BCAM: variants seen among roughly 807,000 people sequenced by gnomAD.
BCAM encodes basal cell adhesion molecule (Lutheran blood group).
A neutral mutation model predicts 72.4 loss-of-function variants in BCAM; 61 were observed. The ratio of observed to expected loss-of-function variants is 0.84; its 90% CI spans 0.69 to 1.04. The LOEUF is 1.04. Among genes scored for constraint, BCAM ranks in the 50% least tolerant of loss-of-function variants. The probability of loss-of-function intolerance (pLI) is 0.00; values close to 1 mark genes in which losing one functional copy is unlikely to be tolerated. For missense variants in BCAM, 909 were observed against 895.0 expected (o/e 1.02, Z -0.20); for synonymous variants, 408 against 384.2 (o/e 1.06, Z -0.73).
rs28399659 is a variant in BCAM at position 44,819,705 on chromosome 19, A to T, written c.1742A>T (p.Gln581Leu). The change falls in exon 13 of 15, where the codon CAG becomes CTG. Residue 581 changes from glutamine to leucine, a missense_variant. By Grantham distance (113) the Gln-to-Leu change is moderately radical. Coordinates refer to ENST00000270233, the MANE Select transcript of BCAM (RefSeq NM_005581.5). ...VRRKGGPCCR[Q>L]RREKGAPPPG... ...CGCAAAGGGGGCCCCTGCTGCCGCC[A>T]GCGGCGGGAGAAGGGGGCTCCGTGA... is the stretch of plus-strand genomic sequence containing the variant. 0.034 allele frequency: 54,656 copies of T among 1,608,098 alleles called. 1,078 individuals carry two copies. The highest frequency in any genetic ancestry group is 0.05 in the Middle Eastern group (301 of 6,014).
At chr19:44,809,880 T>A (rs945936298) in intron 1 of BCAM, among the ~76,000 whole-genome samples, 1 of 7,592 alleles carries the variant, frequency 1.3e-4, no homozygotes, top group African/African-American at 4.8e-4. Flanking sequence ...GGGGTGGGGG[T>A]GGGGGTGCTG....
chr19:44,820,640 C>G, intron 13 of BCAM, 65 bp from the exon 14 acceptor site: 1 of 1,355,460 alleles, frequency 7.4e-7, no homozygotes, highest in East Asian at 2.9e-5. Context: ...CCCCCATCCT[C>G]AGTTCCTCCC....
At position 44,818,898 on chromosome 19, in the gene BCAM, AG is replaced by A. The variant is rs1968539327; in HGVS notation, c.1336+21del. On this transcript the variant is annotated intron_variant, in intron 10 of 14. Transcript: ENST00000270233. This position sits in a 1 kb window ranked among gnomAD's most constrained non-coding sequence, Gnocchi z 4.6. ...CTGGTCCAAGGTTCAGGGGGCAGGG[AG>A]GGGGTGGGCTTGGATGGGGACAGTG... 1.2e-6 allele frequency: 2 copies of A among 1,611,458 alleles called. No homozygotes were observed. The highest frequency in any genetic ancestry group is 1.3e-5 in the African/African-American group (1 of 74,850).
intron 8 of BCAM, among the ~76,000 whole-genome samples, chr19:44,815,306 G>A (rs975005721): frequency 2.0e-5 from 3 of 152,126 alleles, no homozygotes; most frequent in Non-Finnish European, 4.4e-5. Context: ...TTCTAAGAAT[G>A]ATTTTCAGTT....
Position 44,812,545 on chromosome 19 carries a change from G to A in BCAM, c.501G>A (p.Gln167=), listed in dbSNP as rs202033919. The change falls in exon 4 of 15, where the codon CAG becomes CAA. Residue 167 remains glutamine (Q), a synonymous_variant. Coordinates refer to ENST00000270233, the MANE Select transcript of BCAM (RefSeq NM_005581.5). The surrounding 1 kb of genome is among the most constrained non-coding windows in gnomAD (Gnocchi z 5.3). ...GTLSVMEDSA[Q]EIATCNSRNG... ...TGTCTGTGATGGAGGACTCTGCCCA[G>A]GAGGTACCTCTCGGGTGGACCTTGG... 6.2e-7 allele frequency: 1 copy of A among 1,614,196 alleles called. No homozygotes were observed.
chr19:44,816,704 C>T (rs894047644), intron 8 of BCAM, among the ~76,000 whole-genome samples: 9 of 151,250 alleles, frequency 6.0e-5, no homozygotes, highest in African/African-American at 1.9e-4. Context: ...TTTGGGAGGC[C>T]GAGGCAGGTG....
Position 44,814,808 on chromosome 19 carries a change from T to G in BCAM, c.1078+48T>G. The G allele has an allele frequency of 6.4e-7, 1 of 1,566,006 alleles. No homozygotes were observed. Among genetic ancestry groups the G allele is most frequent in the Non-Finnish European group, 8.6e-7 (1 of 1,156,854 alleles). On this transcript the variant is annotated intron_variant, in intron 8 of 14. Coordinates refer to ENST00000270233, the MANE Select transcript of BCAM (RefSeq NM_005581.5). This position sits in a 1 kb window ranked among gnomAD's most constrained non-coding sequence, Gnocchi z 4.6. ...CGGGCAGGAGGGGCCCTGGCATCAGTGCCTCTGCGCCCTCCTCCCTACAGC... is the reference window on the plus strand; with the variant it reads ...CGGGCAGGAGGGGCCCTGGCATCAGGGCCTCTGCGCCCTCCTCCCTACAGC...
chr19:44,815,843 C>T (rs1320665748), intron 8 of BCAM, among the ~76,000 whole-genome samples: 2 of 150,612 alleles, frequency 1.3e-5, no homozygotes, highest in Admixed American at 1.3e-4. Context: ...CATTTGCACA[C>T]ACACACACAC....
At chr19:44,809,351 C>G in intron 1 of BCAM, 145 bp downstream of exon 1, 1 of 615,650 alleles carries the variant, frequency 1.6e-6, no homozygotes, top group Non-Finnish European at 2.4e-6. Context: ...TTGGAAGGTA[C>G]GCCTTCCAGT....
chr19:44,811,421 T>G (rs2122548375), intron 2 of BCAM, 75 bp downstream of exon 2: 1 of 1,596,280 alleles, frequency 6.3e-7, no homozygotes, highest in Non-Finnish European at 8.5e-7. Flanking sequence ...CATCAGTGCC[T>G]AAGGCCTGTA....
chr19:44,820,589 CATCCT>C, intron 13 of BCAM, 111 bp from the exon 14 acceptor site: 4 of 1,311,012 alleles, frequency 3.1e-6, no homozygotes, highest in Non-Finnish European at 2.9e-6. Flanking sequence ...AGCACACCCC[CATCCT>C]CACCTCCATC....
rs1013945834 is a variant in BCAM at position 44,814,067 on chromosome 19, T to A, written c.785-85T>A. On this transcript the variant is annotated intron_variant, in intron 6 of 14. Transcript: ENST00000270233. This position sits in a 1 kb window ranked among gnomAD's most constrained non-coding sequence, Gnocchi z 4.6. Reference sequence around the variant, plus strand: ...CCTTTGACCCGCCATAGCCCTCACCTGGGATGCAGGGCTGACCTCTCGCCT... The same window carrying A: ...CCTTTGACCCGCCATAGCCCTCACCAGGGATGCAGGGCTGACCTCTCGCCT... 6.4e-5 allele frequency: 94 copies of A among 1,459,108 alleles called. No individual in the cohort carries two copies. Among genetic ancestry groups the A allele is most frequent in the Non-Finnish European group, 8.4e-5 (92 of 1,100,996 alleles). The allele number at this position is 1,459,108 out of a possible 1,614,324, so 90.4% of individuals were successfully genotyped here.
Position 44,812,468 on chromosome 19 carries a change from T to G in BCAM, c.434-10T>G. ...GGCAGGGGCTCCTGACGTGAACGTC[T>G]TTTTCACAGCAAAGCCAGAGGCCAC... On this transcript the variant is annotated splice_polypyrimidine_tract_variant and intron_variant, in intron 3 of 14. Transcript: ENST00000270233. The surrounding 1 kb of genome is among the most constrained non-coding windows in gnomAD (Gnocchi z 5.3). 3.1e-6 allele frequency: 5 copies of G among 1,614,168 alleles called. No individual in the cohort carries two copies. The highest frequency in any genetic ancestry group is 4.2e-6 in the Non-Finnish European group (5 of 1,180,004).
Position 44,814,012 on chromosome 19 carries a change from A to T in BCAM, c.785-140A>T. On this transcript the variant is annotated intron_variant, in intron 6 of 14. Transcript: ENST00000270233. This position sits in a 1 kb window ranked among gnomAD's most constrained non-coding sequence, Gnocchi z 4.6. ...AACTCTGGCACTCAGAATAATTGTG[A>T]ACCTGAGGCTTGAAACCTATGACCC... The T allele has an allele frequency of 8.9e-7, 1 of 1,122,740 alleles. No homozygotes were observed. Among genetic ancestry groups the T allele is most frequent in the South Asian group, 1.7e-5 (1 of 60,554 alleles). 69.5% of individuals were successfully genotyped at this position (1,122,740 alleles called of 1,614,324 possible).
chr19:44,816,547 GTGGAATAAGTCCTTCCGTGC>G (rs1428470094), intron 8 of BCAM, among the ~76,000 whole-genome samples: 30 of 152,208 alleles, frequency 2.0e-4, no homozygotes, highest in African/African-American at 6.8e-4. Context: ...TTAGCAGCTG[GTGGAATAAGTCCTTCCGTGC>G]TGTAGGAAAG....
In BCAM at chr19:44,812,210, G is replaced by T; in HGVS notation, c.252G>T (p.Gln84His). The change falls in exon 3 of 15, where the codon CAG becomes CAT. Residue 84 changes from glutamine to histidine, a missense_variant. By Grantham distance (24) the Gln-to-His change is conservative. Transcript: ENST00000270233. The surrounding 1 kb of genome is among the most constrained non-coding windows in gnomAD (Gnocchi z 5.3). ...ARPRLASAEM[Q>H]GSELQVTMHD... is the part of the protein sequence containing the mutation. ...CCCGCCTAGCCTCGGCTGAGATGCA[G>T]GGCTCTGAGCTCCAGGTCACAATGC... 6.2e-7 allele frequency: 1 copy of T among 1,606,374 alleles called. No homozygotes were observed. Among genetic ancestry groups the T allele is most frequent in the Non-Finnish European group, 8.5e-7 (1 of 1,178,134 alleles).
chr19:44,811,157 G>A, intron 1 of BCAM, 68 bp from the exon 2 acceptor site: 4 of 1,606,466 alleles, frequency 2.5e-6, no homozygotes, highest in Non-Finnish European at 2.5e-6. Flanking sequence ...TCCTGGGGGA[G>A]AGGGGACCCT....
intron 13 of BCAM, chr19:44,820,196 T>C (rs1968565795): frequency 1.2e-6 from 1 of 858,752 alleles, no homozygotes; most frequent in Non-Finnish European, 1.4e-6. Context: ...CCAACACCCA[T>C]CATCCCCCTG....
At chr19:44,817,959 C>T (rs902545772) in intron 8 of BCAM, among the ~76,000 whole-genome samples, 2 of 152,130 alleles carry the variant, frequency 1.3e-5, no homozygotes, top group Admixed American at 1.3e-4. Context: ...CCAGAGGTGG[C>T]AGGAAGCCAG....
Sources: allele counts gnomAD v4.1 joint callset (sites outside exome capture counted in the v4.1 genomes callset), GRCh38; gene constraint gnomAD v4.1.1; non-coding constraint Gnocchi (gnomAD v3.1); transcripts MANE v1.5; gene names NCBI Gene and HGNC (gene_info 2026-07-23, HGNC 2026-07-21).